Variants in TUFT1 observed in about 807,000 individuals in gnomAD.
The protein encoded by TUFT1 is tuftelin 1.
In TUFT1, 43 loss-of-function variants were observed where a neutral mutation model predicts 57.8. The observed-to-expected ratio is 0.74, with a 90% confidence interval of 0.58 to 0.96. The LOEUF (loss-of-function observed/expected upper bound fraction) is 0.96. Ranked by LOEUF, TUFT1 falls within the 40% of genes least tolerant of loss-of-function variation. TUFT1 has a pLI of 0.00. For synonymous variants in TUFT1, 166 were observed against 176.7 expected, an observed-to-expected ratio of 0.94 and a Z score of 0.48; for missense variants, 459 against 489.0, an observed-to-expected ratio of 0.94 and a Z score of 0.58.
chr1:151,578,688 C>G (rs1403628759), intron 9 of TUFT1, 33 bp from the exon 10 acceptor site: 1 of 1,518,970 alleles, frequency 6.6e-7, no homozygotes, highest in African/African-American at 1.4e-5. Flanking sequence ...TGATCTTGTT[C>G]CATTGCCTCA....
chr1:151,581,364 T>G (rs1030711896), intron 12 of TUFT1, among the ~76,000 whole-genome samples: 1 of 152,180 alleles, frequency 6.6e-6, no homozygotes, highest in Non-Finnish European at 1.5e-5. Flanking sequence ...GGACCCATGA[T>G]CTTGACAAAA....
chr1:151,557,552 A>G (rs1453669323), intron 1 of TUFT1: 5 of 1,165,326 alleles, frequency 4.3e-6, no homozygotes, highest in East Asian at 2.3e-5. Flanking sequence ...GAGCTGGCAG[A>G]CAAGGATGTG....
Position 151,562,096 on chromosome 1 carries a change from C to A in TUFT1, c.66C>A (p.Ser22Arg). The change falls in exon 2 of 13, where the codon AGC becomes AGA. Residue 22 changes from serine to arginine, a missense_variant. Ser to Arg is a moderately radical substitution (Grantham distance 110, BLOSUM62 -1). Transcript: ENST00000368849. ...GCTGTCATTGTCATTATTAGGGCAG[C>A]GTGGACATTCTCAGGCTGACTCTCC... is the stretch of plus-strand genomic sequence containing the variant. Reference protein sequence around the residue: ...DVHPEDQAAGSVDILRLTLQG... With the variant: ...DVHPEDQAAGRVDILRLTLQG... 1 of 1,613,974 alleles carries A rather than the reference C, an allele frequency of 6.2e-7. No individual in the cohort carries two copies. Among genetic ancestry groups the A allele is most frequent in the Non-Finnish European group, 8.5e-7 (1 of 1,179,860 alleles).
At chr1:151,554,628 G>A (rs1665616972) in intron 1 of TUFT1, among the ~76,000 whole-genome samples, 2 of 149,134 alleles carry the variant, frequency 1.3e-5, no homozygotes, top group African/African-American at 5.0e-5. Context: ...TCGAACTCCT[G>A]ACCTCGTGAT....
At chr1:151,551,599 G>A (rs897101107) in intron 1 of TUFT1, among the ~76,000 whole-genome samples, 8 of 152,006 alleles carry the variant, frequency 5.3e-5, no homozygotes, top group South Asian at 2.1e-4. Flanking sequence ...AGGATACCCC[G>A]GTCGGAGAAA....
intron 1 of TUFT1, chr1:151,561,761 T>C (rs1571701642): frequency 7.5e-7 from 1 of 1,333,610 alleles, no homozygotes; most frequent in Non-Finnish European, 9.8e-7. Context: ...AGGAATGACC[T>C]CTCTACAACT....
At chr1:151,558,778 G>T (rs1310574342) in intron 1 of TUFT1, among the ~76,000 whole-genome samples, 2 of 146,628 alleles carry the variant, frequency 1.4e-5, no homozygotes, top group African/African-American at 2.5e-5. Flanking sequence ...GGGAGATAGT[G>T]TCCTTTTTTT....
chr1:151,579,170 G>T lies in TUFT1; in HGVS notation c.924+344G>T, dbSNP rs187253570. On this transcript the variant is annotated intron_variant, in intron 10 of 12. Coordinates refer to ENST00000368849, the MANE Select transcript of TUFT1 (RefSeq NM_020127.3). ...CTTTGAGCCTCATGGCTGCTTTCCT[G>T]CCTTACCCCACCTGAGCTTGAGGGT... Among the ~76,000 whole-genome samples, 318 of 152,232 alleles carry T rather than the reference G, an allele frequency of 2.1e-3. 3 individuals are homozygous for T. Among genetic ancestry groups the T allele is most frequent in the Non-Finnish European group, 3.5e-3 (241 of 68,018 alleles).
At chr1:151,565,734 C>T (rs901288456) in intron 5 of TUFT1, among the ~76,000 whole-genome samples, 3 of 152,194 alleles carry the variant, frequency 2.0e-5, no homozygotes, top group African/African-American at 4.8e-5. Context: ...TATCAGGATC[C>T]CTGGGGGCAA....
rs766832334 is a variant in TUFT1 at position 151,540,393 on chromosome 1, C to T, written c.27C>T (p.Thr9=). 4 of 1,614,062 alleles carry T rather than the reference C, an allele frequency of 2.5e-6. No homozygotes were observed. Among genetic ancestry groups the T allele is most frequent in the Admixed American group, 1.7e-5 (1 of 60,008 alleles). ...TGAACGGGACGCGGAACTGGTGTAC[C>T]CTGGTGGACGTGCACCCAGAGGACC... MNGTRNWC[T]LVDVHPEDQA... The change falls in exon 1 of 13, where the codon ACC becomes ACT. Residue 9 remains threonine (T), a synonymous_variant. Transcript: ENST00000368849.
Position 151,574,341 on chromosome 1 carries a change from G to A in TUFT1, c.666G>A (p.Val222=). 3.1e-6 allele frequency: 5 copies of A among 1,614,216 alleles called. No homozygotes were observed. The highest frequency in any genetic ancestry group is 4.2e-6 in the Non-Finnish European group (5 of 1,180,026). ...CCCTTCAGAGAGAGGAGGACAGAGT[G>A]GAGCAGAAAGAGGCAGAAGTCGGAG... ...NVALQREEDR[V]EQKEAEVGEL... is the part of the protein sequence containing the mutation. Residue 222 remains valine, a synonymous_variant, in exon 8 of 13, where the codon GTG becomes GTA. Coordinates refer to ENST00000368849, the MANE Select transcript of TUFT1 (RefSeq NM_020127.3).
intron 1 of TUFT1, among the ~76,000 whole-genome samples, chr1:151,554,104 A>T (rs568212447): frequency 6.6e-6 from 1 of 152,240 alleles, no homozygotes; most frequent in South Asian, 2.1e-4. Context: ...AGTACAGAGA[A>T]CTCTTATATA....
At chr1:151,549,447 G>C (rs1336800830) in intron 1 of TUFT1, among the ~76,000 whole-genome samples, 4 of 152,154 alleles carry the variant, frequency 2.6e-5, no homozygotes, top group Non-Finnish European at 5.9e-5. Flanking sequence ...TTTTTCATCA[G>C]CTCCATTAGA....
intron 2 of TUFT1, 38 bp from the exon 3 acceptor site, chr1:151,562,543 CATCT>C: frequency 3.2e-6 from 4 of 1,245,572 alleles, no homozygotes; most frequent in Non-Finnish European, 3.5e-6. Flanking sequence ...GTGTCTGAGC[CATCT>C]CTCTCTCTCT....
intron 7 of TUFT1, 192 bp downstream of exon 7, chr1:151,569,962 C>G: frequency 1.9e-6 from 1 of 536,248 alleles, no homozygotes; most frequent in South Asian, 2.0e-5. Flanking sequence ...TGTCCAAGGC[C>G]AGCCCATAGT....
chr1:151,565,994 C>T, intron 5 of TUFT1, 169 bp from the exon 6 acceptor site: 68 of 467,364 alleles, frequency 1.5e-4, no homozygotes, highest in South Asian at 6.6e-4. Flanking sequence ...TTCTTCATTC[C>T]TTCCTTTTTC....
chr1:151,573,466 T>C (rs944924011), intron 7 of TUFT1, among the ~76,000 whole-genome samples: 2 of 152,178 alleles, frequency 1.3e-5, no homozygotes, highest in Non-Finnish European at 2.9e-5. Flanking sequence ...GTTTCTCATC[T>C]CTGATAAAAG....
At chr1:151,565,220 G>T (rs1666024755) in intron 5 of TUFT1, among the ~76,000 whole-genome samples, 1 of 152,194 alleles carries the variant, frequency 6.6e-6, no homozygotes, top group African/African-American at 2.4e-5. Context: ...GAACAGATTG[G>T]GTAAGTCTTT....
chr1:151,556,837 C>T (rs1344008982), intron 1 of TUFT1, among the ~76,000 whole-genome samples: 4 of 152,088 alleles, frequency 2.6e-5, no homozygotes, highest in East Asian at 3.9e-4. Flanking sequence ...GGCATTGTCA[C>T]GGGAGCTTGT....
Sources: gnomAD v4.1 joint callset for allele counts (sites outside exome capture counted in the v4.1 genomes callset) on GRCh38, gnomAD v4.1.1 for gene constraint, MANE v1.5 for transcripts, NCBI Gene and HGNC (gene_info 2026-07-23, HGNC 2026-07-21) for gene names.